Variants in RAG1 observed in about 807,000 individuals in gnomAD.
RAG1 encodes recombination activating 1.
RAG1 carries 35 observed loss-of-function variants against 62.7 expected under a neutral mutation model. The observed-to-expected ratio is 0.56, with a 90% CI of 0.43 to 0.74. The LOEUF (loss-of-function observed/expected upper bound fraction) is 0.74, where lower values mean the gene tolerates loss of function less well. RAG1 is among the 30% of genes least tolerant of loss of function. The pLI, the probability that RAG1 is intolerant of heterozygous loss-of-function variation, is 0.00. For synonymous variants in RAG1, 461 were observed against 470.3 expected (o/e 0.98, Z 0.26); for missense variants, 1,169 against 1,278.6 (o/e 0.91, Z 1.31).
rs1443676216 is a variant in RAG1, at chr11:36,576,546, G to A, written c.*110G>A. On this transcript the variant is annotated 3_prime_UTR_variant, in exon 2 of 2. Transcript: ENST00000299440. ...CTGTGTATGGGGCTTCACCATCCAAGAGGTGGTAGGTTGGAGTAAGATGCT... is the reference window on the plus strand; with the variant it reads ...CTGTGTATGGGGCTTCACCATCCAAAAGGTGGTAGGTTGGAGTAAGATGCT... The A allele has an allele frequency of 5.2e-6, 7 of 1,335,860 alleles. No homozygotes were observed. Among genetic ancestry groups the A allele is most frequent in the African/African-American group, 1.4e-5 (1 of 69,036 alleles). 82.8% of individuals were successfully genotyped at this position (1,335,860 alleles called of 1,614,324 possible).
At chr11:36,524,857 T>C (rs572830728) in intron 2 of RAG1, among the ~76,000 whole-genome samples, 8 of 152,350 alleles carry the variant, frequency 5.3e-5, no homozygotes, top group African/African-American at 1.9e-4. Context: ...CATGTACTTA[T>C]TTGCCATCCA....
chr11:36,546,913 G>A (rs1850402263), intron 3 of RAG1, among the ~76,000 whole-genome samples: 1 of 152,098 alleles, frequency 6.6e-6, no homozygotes, highest in Admixed American at 6.5e-5. Flanking sequence ...CAGGGTTTCT[G>A]TGGAGACATC....
At chr11:36,534,549 A>G (rs1469157380) in intron 2 of RAG1, among the ~76,000 whole-genome samples, 1 of 152,216 alleles carries the variant, frequency 6.6e-6, no homozygotes, top group Non-Finnish European at 1.5e-5. Context: ...TTCCACTGCC[A>G]TGGCAATCCT....
At chr11:36,566,628 A>G (rs887970351), upstream of RAG1, 1 of 152,186 alleles carries the variant, frequency 6.6e-6, no homozygotes, top group African/African-American at 2.4e-5. Context: ...GAACATGAAC[A>G]CTGTCTTCAG....
Position 36,576,133 on chromosome 11 carries a change from G to A in RAG1, c.2829G>A (p.Leu943=). The change falls in exon 2 of 2, where the codon CTG becomes CTA. Residue 943 remains leucine (L), a synonymous_variant. Transcript: ENST00000299440. ...TCACCAATTATTTTCACAAAACCCTGGCCCATGTTCCTGAAATTATTGAGA... is the reference window on the plus strand; with the variant it reads ...TCACCAATTATTTTCACAAAACCCTAGCCCATGTTCCTGAAATTATTGAGA... ...GKITNYFHKT[L]AHVPEIIERD... 2 of 1,614,022 alleles carry A rather than the reference G, an allele frequency of 1.2e-6. No homozygotes were observed. The highest frequency in any genetic ancestry group is 1.7e-6 in the Non-Finnish European group (2 of 1,180,016).
At chr11:36,510,354 A>T (rs1282001355), upstream of RAG1, 1 of 152,090 alleles carries the variant, frequency 6.6e-6, no homozygotes, top group Non-Finnish European at 1.5e-5. Flanking sequence ...CCTGGCGGTG[A>T]TCCTCCAGGC....
At chr11:36,515,000 C>A (rs1351060074) in intron 1 of RAG1, among the ~76,000 whole-genome samples, 1 of 152,098 alleles carries the variant, frequency 6.6e-6, no homozygotes, top group Non-Finnish European at 1.5e-5. Flanking sequence ...GTGGTTGAGG[C>A]AGGGAGAAGG....
chr11:36,574,742 A>G lies in RAG1; in HGVS notation c.1438A>G (p.Ser480Gly), dbSNP rs772340017. Residue 480 changes from serine (S) to glycine (G), a missense_variant, in exon 2 of 2, where the codon AGC (serine) becomes GGC (glycine). Coordinates refer to ENST00000299440, the MANE Select transcript of RAG1 (RefSeq NM_000448.3). ...GGCCATCCGTGTCAACACCTTCCTCAGCTGCAGTCAGTACCACAAGATGTA... is the reference window on the plus strand; with the variant it reads ...GGCCATCCGTGTCAACACCTTCCTCGGCTGCAGTCAGTACCACAAGATGTA... ...CLAIRVNTFL[S>G]CSQYHKMYRT... 9 of 1,614,230 alleles carry G rather than the reference A, an allele frequency of 5.6e-6. No homozygotes were observed. The highest frequency in any genetic ancestry group is 7.6e-6 in the Non-Finnish European group (9 of 1,180,032).
chr11:36,527,007 C>G (rs1860173383), intron 2 of RAG1, among the ~76,000 whole-genome samples: 1 of 152,142 alleles, frequency 6.6e-6, no homozygotes, highest in South Asian at 2.1e-4. Context: ...GGATAGATTG[C>G]AAACATTTTC....
chr11:36,551,575 A>G (rs1022183414), intron 3 of RAG1, among the ~76,000 whole-genome samples: 1 of 150,134 alleles, frequency 6.7e-6, no homozygotes, highest in Non-Finnish European at 1.5e-5. Flanking sequence ...GGCTCACCTA[A>G]TGACCTCATT....
chr11:36,557,790 T>G (rs933178547), intron 3 of RAG1, among the ~76,000 whole-genome samples: 1 of 152,232 alleles, frequency 6.6e-6, no homozygotes, highest in Non-Finnish European at 1.5e-5. Context: ...GTTTCATATT[T>G]TAATATGTAT....
intron 3 of RAG1, among the ~76,000 whole-genome samples, chr11:36,559,373 C>T (rs1002070667): frequency 5.9e-5 from 9 of 152,074 alleles, no homozygotes; most frequent in East Asian, 3.8e-4. Context: ...AATCTGTTTA[C>T]GGGCATTTGA....
In RAG1 at chr11:36,575,280, G is replaced by A. The variant is rs775026816; in HGVS notation, c.1976G>A (p.Cys659Tyr). 2.5e-6 allele frequency: 4 copies of A among 1,614,214 alleles called. No homozygotes were observed. The highest frequency in any genetic ancestry group is 3.4e-6 in the Non-Finnish European group (4 of 1,180,034). The change falls in exon 2 of 2, where the codon TGC becomes TAC. Residue 659 changes from cysteine (C) to tyrosine (Y), a missense_variant. By Grantham distance (194) the Cys-to-Tyr change is radical (BLOSUM62 -2). This residue lies in a region of RAG1 where 800 missense variants were observed against 943.3 expected (regional missense o/e 0.85). Coordinates refer to ENST00000299440, the MANE Select transcript of RAG1 (RefSeq NM_000448.3). The surrounding 1 kb of genome is among the most constrained non-coding windows in gnomAD (Gnocchi z 4.1). ...TCTGAACTGTGTTGCAAGCCATTGTGCCTTATGCTGGCAGATGAGTCTGAC... is the reference window on the plus strand; with the variant it reads ...TCTGAACTGTGTTGCAAGCCATTGTACCTTATGCTGGCAGATGAGTCTGAC... ...PNSELCCKPL[C>Y]LMLADESDHE...
chr11:36,518,540 GT>G (rs1418626616), intron 1 of RAG1, among the ~76,000 whole-genome samples: 7 of 152,312 alleles, frequency 4.6e-5, no homozygotes, highest in African/African-American at 1.7e-4. Flanking sequence ...ATTCTAACAG[GT>G]GTGAGATGGT....
In RAG1 at chr11:36,575,033, A is replaced by G; in HGVS notation, c.1729A>G (p.Ile577Val). The G allele has an allele frequency of 6.2e-7, 1 of 1,614,208 alleles. No individual in the cohort carries two copies. The highest frequency in any genetic ancestry group is 8.5e-7 in the Non-Finnish European group (1 of 1,180,036). The change falls in exon 2 of 2, where the codon ATC becomes GTC. Residue 577 changes from isoleucine to valine, a missense_variant. Around this residue, in one of 2 missense-constraint regions of RAG1, gnomAD observed 800 missense variants for 943.3 expected, o/e 0.85. Transcript: ENST00000299440. The surrounding 1 kb of genome is among the most constrained non-coding windows in gnomAD (Gnocchi z 4.1). ...TGCTTTGATGGACATGGAAGAAGAC[A>G]TCTTGGAAGGCATGAGATCCCAAGA... The part of the protein sequence containing the change: ...VSALMDMEED[I>V]LEGMRSQDLD...
At chr11:36,524,540 T>G (rs994128995) in intron 2 of RAG1, among the ~76,000 whole-genome samples, 27 of 151,566 alleles carry the variant, frequency 1.8e-4, no homozygotes, top group African/African-American at 6.5e-4. Flanking sequence ...CAGGCTGGGA[T>G]GCAGTGATGC....
downstream of RAG1, among the ~76,000 whole-genome samples, chr11:36,540,149 A>G (rs1442331956): frequency 6.6e-6 from 1 of 152,206 alleles, no homozygotes; most frequent in Admixed American, 6.5e-5. Flanking sequence ...AGAGTCGAGA[A>G]GCCGGGGGGA....
intron 1 of RAG1, among the ~76,000 whole-genome samples, chr11:36,569,994 A>G (rs1355989474): frequency 6.6e-6 from 1 of 152,120 alleles, no homozygotes; most frequent in Non-Finnish European, 1.5e-5. Flanking sequence ...AGAAAATTAA[A>G]TTTTCTGCAT....
chr11:36,528,534 G>T (rs181309809), intron 2 of RAG1, among the ~76,000 whole-genome samples: 651 of 152,220 alleles, frequency 4.3e-3, no homozygotes, highest in African/African-American at 0.015. Flanking sequence ...GGCCACTAGA[G>T]AAAGCAGGAA....
Sources: gnomAD v4.1 joint callset for allele counts (sites outside exome capture counted in the v4.1 genomes callset) on GRCh38, gnomAD v4.1.1 for gene constraint, gnomAD v4.1.1 regional missense constraint, Gnocchi (gnomAD v3.1) non-coding constraint, MANE v1.5 for transcripts, NCBI Gene and HGNC (gene_info 2026-07-23, HGNC 2026-07-21) for gene names.